Variants in FGF12 observed in about 807,000 individuals in gnomAD.
FGF12 encodes the protein fibroblast growth factor 12B.
A neutral mutation model predicts 23.6 loss-of-function variants in FGF12; 14 were observed. The observed-to-expected ratio is 0.59, with a 90% CI of 0.39 to 0.93. The LOEUF (loss-of-function observed/expected upper bound fraction) is 0.93, where lower values mean the gene tolerates loss of function less well. FGF12 is among the 40% of genes least tolerant of loss of function. The pLI is 0.00. For missense variants in FGF12, 175 were observed against 217.8 expected (o/e 0.80, Z 1.24); for synonymous variants, 62 against 77.3 (o/e 0.80, Z 1.04).
chr3:192,181,948 T>A (rs1448410053), intron 4 of FGF12, among the ~76,000 whole-genome samples: 1 of 151,988 alleles, frequency 6.6e-6, no homozygotes, highest in Non-Finnish European at 1.5e-5. Context: ...ATAAATATGT[T>A]CTAGAGAAAA....
At chr3:192,443,632 G>A (rs967177294) in intron 2 of FGF12, among the ~76,000 whole-genome samples, 1 of 152,184 alleles carries the variant, frequency 6.6e-6, no homozygotes, top group Non-Finnish European at 1.5e-5. Flanking sequence ...TTTCGGTTAA[G>A]ACCTGAGTTC....
At chr3:192,427,549 G>A (rs186688941) in intron 2 of FGF12, among the ~76,000 whole-genome samples, 5 of 152,262 alleles carry the variant, frequency 3.3e-5, no homozygotes, top group East Asian at 1.9e-4. Flanking sequence ...ATCTGGATAG[G>A]ACAATCTGAC....
At chr3:192,443,582 C>T (rs114526705) in intron 2 of FGF12, among the ~76,000 whole-genome samples, 3,225 of 152,246 alleles carry the variant, frequency 0.021, 141 homozygotes, top group African/African-American at 0.073. Flanking sequence ...TCAAAACTTA[C>T]AGCTAATAAT....
At chr3:192,633,987 T>C (rs568694388) in intron 2 of FGF12, among the ~76,000 whole-genome samples, 1 of 152,194 alleles carries the variant, frequency 6.6e-6, no homozygotes, top group Non-Finnish European at 1.5e-5. Context: ...ATCTGCATGC[T>C]CAAAATCCAT....
chr3:192,210,041 C>T (rs1403500776), intron 4 of FGF12, among the ~76,000 whole-genome samples: 1 of 152,164 alleles, frequency 6.6e-6, no homozygotes, highest in Non-Finnish European at 1.5e-5. Context: ...GATTTAACTT[C>T]CCACTTTAAA....
At chr3:192,245,872 T>C (rs946521366) in intron 4 of FGF12, among the ~76,000 whole-genome samples, 1 of 152,194 alleles carries the variant, frequency 6.6e-6, no homozygotes, top group Non-Finnish European at 1.5e-5. Context: ...AACAGAGTCC[T>C]TGCTTTTTCG....
At chr3:192,722,699 C>T (rs753055590) in intron 2 of FGF12, among the ~76,000 whole-genome samples, 11 of 152,138 alleles carry the variant, frequency 7.2e-5, no homozygotes, top group Admixed American at 2.0e-4. Flanking sequence ...GGCTATCCAA[C>T]GCATATAATT....
chr3:192,371,894 A>T (rs890011047), intron 2 of FGF12, among the ~76,000 whole-genome samples: 5 of 152,176 alleles, frequency 3.3e-5, no homozygotes, highest in African/African-American at 9.7e-5. Flanking sequence ...GAACTCTAAC[A>T]TGCTAATACA....
chr3:192,311,183 T>C (rs1715912923), intron 4 of FGF12, among the ~76,000 whole-genome samples: 1 of 152,170 alleles, frequency 6.6e-6, no homozygotes, highest in East Asian at 1.9e-4. Context: ...TCATTCAAAG[T>C]GTACAACTAA....
chr3:192,202,878 T>C (rs1717443213), intron 4 of FGF12, among the ~76,000 whole-genome samples: 2 of 152,146 alleles, frequency 1.3e-5, no homozygotes, highest in African/African-American at 2.4e-5. Flanking sequence ...CTGAAAAAAA[T>C]AAGGTTAAGA....
intron 4 of FGF12, among the ~76,000 whole-genome samples, chr3:192,212,569 A>T (rs2108680181): frequency 6.6e-6 from 1 of 152,314 alleles, no homozygotes; most frequent in South Asian, 2.1e-4. Context: ...AACTGGGCTA[A>T]TAACTTATAG....
At chr3:192,544,907 A>G (rs918092608) in intron 2 of FGF12, among the ~76,000 whole-genome samples, 7 of 152,128 alleles carry the variant, frequency 4.6e-5, no homozygotes, top group Non-Finnish European at 1.0e-4. Context: ...AAGAGCAGAC[A>G]CCTATTTCAG....
chr3:192,660,520 A>G (rs1043732524), intron 2 of FGF12, among the ~76,000 whole-genome samples: 1 of 151,002 alleles, frequency 6.6e-6, no homozygotes, highest in African/African-American at 2.4e-5. Flanking sequence ...AAAAAAAAAA[A>G]AAGAAAGAAA....
Position 192,727,462 on chromosome 3 carries a change from A to ATTT in FGF12, c.-131+19_-131+21dup, listed in dbSNP as rs34864946. 4,223 of 560,392 alleles carry ATTT rather than the reference A, an allele frequency of 7.5e-3. 18 individuals carry two copies. Among genetic ancestry groups the ATTT allele is most frequent in the African/African-American group, 0.02 (977 of 48,180 alleles). 34.7% of individuals were successfully genotyped at this position (560,392 alleles called of 1,614,324 possible). On this transcript the variant is annotated intron_variant, in intron 1 of 5. Transcript: ENST00000445105. ...AAATGCATGCACAGTGCCCGCTCAGATTTTTTTTTTTTTTTTTTTACCTGG... is the reference window on the plus strand; with the variant it reads ...AAATGCATGCACAGTGCCCGCTCAGATTTTTTTTTTTTTTTTTTTTTTACCTGG...
intron 4 of FGF12, among the ~76,000 whole-genome samples, chr3:192,210,842 TAAG>T (rs1717892428): frequency 6.6e-6 from 1 of 152,102 alleles, no homozygotes; most frequent in Non-Finnish European, 1.5e-5. Flanking sequence ...GTGGCAATTT[TAAG>T]AAGTTCATAA....
intron 2 of FGF12, among the ~76,000 whole-genome samples, chr3:192,709,298 A>C (rs888447319): frequency 1.3e-5 from 2 of 152,178 alleles, no homozygotes; most frequent in Admixed American, 6.5e-5. Flanking sequence ...TGAAAACTCC[A>C]AGCCATTCTC....
At chr3:192,658,690 G>C (rs1716538060) in intron 2 of FGF12, among the ~76,000 whole-genome samples, 1 of 139,432 alleles carries the variant, frequency 7.2e-6, no homozygotes, top group African/African-American at 2.7e-5. Flanking sequence ...TAATTTATTT[G>C]TCCAGTGCAA....
intron 2 of FGF12, among the ~76,000 whole-genome samples, chr3:192,538,950 T>C (rs1232894999): frequency 6.6e-6 from 1 of 152,228 alleles, no homozygotes; most frequent in East Asian, 1.9e-4. Flanking sequence ...TTATTTGCTG[T>C]TGGCATATAG....
intron 2 of FGF12, among the ~76,000 whole-genome samples, chr3:192,431,122 T>C (rs147157486): frequency 6.6e-6 from 1 of 152,220 alleles, no homozygotes; most frequent in East Asian, 1.9e-4. Context: ...AACTCCAACA[T>C]AAATGAGATC....
Sources: gnomAD v4.1 joint callset for allele counts (sites outside exome capture counted in the v4.1 genomes callset) on GRCh38, gnomAD v4.1.1 for gene constraint, MANE v1.5 for transcripts, NCBI Gene and HGNC (gene_info 2026-07-23, HGNC 2026-07-21) for gene names.